Variants in PASK observed in about 807,000 individuals in gnomAD.
The protein encoded by PASK is PAS domain containing serine/threonine kinase, also known as PAS domain-containing serine/threonine-protein kinase.
PASK carries 110 observed loss-of-function variants against 121.0 expected under a neutral mutation model. The ratio of observed to expected loss-of-function variants is 0.91; its 90% CI spans 0.78 to 1.06. PASK has a LOEUF of 1.06. Ranked by LOEUF, PASK falls within the 50% of genes least tolerant of loss-of-function variation. The pLI, the probability that PASK is intolerant of heterozygous loss-of-function variation, is 0.00. For missense variants in PASK, 1,643 were observed against 1,702.3 expected (o/e 0.97, Z 0.61); for synonymous variants, 686 against 717.8 (o/e 0.96, Z 0.71).
In PASK at chr2:241,141,316, G is replaced by A. The variant is rs115395057; in HGVS notation, c.197-563C>T. Among the ~76,000 whole-genome samples, 1,016 of 152,198 alleles carry A rather than the reference G, an allele frequency of 6.7e-3. 10 individuals are homozygous for A. The highest frequency in any genetic ancestry group is 0.023 in the African/African-American group (954 of 41,522). Reference sequence around the variant, plus strand: ...CAAAAAAGCTTAATTACACTCAAAGGTTCCTTCCTTCCCACCTTCTGTCCT... The same window carrying A: ...CAAAAAAGCTTAATTACACTCAAAGATTCCTTCCTTCCCACCTTCTGTCCT... On this transcript the variant is annotated intron_variant, in intron 2 of 17. Transcript: ENST00000234040.
intron 2 of PASK, among the ~76,000 whole-genome samples, chr2:241,141,414 C>T (rs760526559): frequency 2.0e-4 from 30 of 152,304 alleles, no homozygotes; most frequent in Admixed American, 4.6e-4. Flanking sequence ...AGCGTTCCTA[C>T]GATTCAAGAG....
chr2:241,148,465 A>G (rs2125464611), intron 1 of PASK, among the ~76,000 whole-genome samples: 1 of 152,298 alleles, frequency 6.6e-6, no homozygotes, highest in Non-Finnish European at 1.5e-5. Flanking sequence ...GCACCTGCAG[A>G]GCCGGGCCCT....
intron 4 of PASK, chr2:241,139,473 CT>C: frequency 2.1e-6 from 1 of 474,950 alleles, no homozygotes; most frequent in South Asian, 1.6e-5. Context: ...TAGGGAAATG[CT>C]TCCAGGCCAA....
At chr2:241,149,585 G>A (rs2067186035), upstream of PASK, 17 of 1,458,378 alleles carry the variant, frequency 1.2e-5, no homozygotes, top group Non-Finnish European at 1.5e-5. Context: ...AGAAGCCCGC[G>A]CTAAGGGTTG....
At chr2:241,143,201 G>C in intron 1 of PASK, 127 bp from the exon 2 acceptor site, 1 of 670,740 alleles carries the variant, frequency 1.5e-6, no homozygotes, top group Non-Finnish European at 2.7e-6. Flanking sequence ...GCCATCCTGG[G>C]TCAGAACCCG....
intron 1 of PASK, among the ~76,000 whole-genome samples, chr2:241,143,338 C>T (rs771770981): frequency 2.6e-5 from 4 of 152,000 alleles, no homozygotes; most frequent in East Asian, 3.9e-4. Flanking sequence ...GTCAGGAGAT[C>T]GAGGAGATCG....
At chr2:241,120,156 T>C (rs1469557738) in intron 12 of PASK, among the ~76,000 whole-genome samples, 1 of 151,940 alleles carries the variant, frequency 6.6e-6, no homozygotes, top group Non-Finnish European at 1.5e-5. Context: ...AATACAGAAC[T>C]CATACAATTT....
Position 241,133,012 on chromosome 2 carries a change from A to T in PASK, c.1325T>A (p.Val442Glu). The change falls in exon 9 of 18, where the codon GTG (valine) becomes GAG (glutamate). Residue 442 changes from valine to glutamate, a missense_variant. Coordinates refer to ENST00000234040, the MANE Select transcript of PASK (RefSeq NM_015148.4). ...EGGQDPRINVVLAGGHVVPRD... is the reference protein window; with the variant it reads ...EGGQDPRINVELAGGHVVPRD... The stretch of plus-strand genomic sequence containing the variant: ...GGGCACAACGTGGCCACCAGCAAGC[A>T]CGACATTAATCCTTGGATCTGGCAG... 1 of 1,614,162 alleles carries T rather than the reference A, an allele frequency of 6.2e-7. No homozygotes were observed. Among genetic ancestry groups the T allele is most frequent in the Non-Finnish European group, 8.5e-7 (1 of 1,180,018 alleles).
intron 12 of PASK, among the ~76,000 whole-genome samples, chr2:241,116,250 T>G (rs2065364534): frequency 6.6e-6 from 1 of 152,206 alleles, no homozygotes; most frequent in Admixed American, 6.5e-5. Context: ...TTACCTCCCC[T>G]AAGTCCCACG....
At chr2:241,140,166 G>C in intron 3 of PASK, 111 bp from the exon 4 acceptor site, 1 of 862,346 alleles carries the variant, frequency 1.2e-6, no homozygotes, top group East Asian at 2.6e-5. Flanking sequence ...TGACAGACAG[G>C]GTCTCACTCT....
Position 241,112,569 on chromosome 2 carries a change from G to C in PASK, c.3334-130C>G. ...CCGACTCATAATGAACTGGGGACAG[G>C]AAAGATTTTTCAATGCTGAAGATAT... is the stretch of plus-strand genomic sequence containing the variant. On this transcript the variant is annotated intron_variant, in intron 14 of 17. Coordinates refer to ENST00000234040, the MANE Select transcript of PASK (RefSeq NM_015148.4). The surrounding 1 kb of genome is among the most constrained non-coding windows in gnomAD (Gnocchi z 5.2). 1 of 644,886 alleles carries C rather than the reference G, an allele frequency of 1.6e-6. No individual in the cohort carries two copies. Among genetic ancestry groups the C allele is most frequent in the Non-Finnish European group, 2.7e-6 (1 of 376,826 alleles). 39.9% of individuals were successfully genotyped at this position (644,886 alleles called of 1,614,324 possible). A position where few individuals can be genotyped will look rare whatever the true frequency, so the allele number is the denominator to read the frequency against.
Position 241,137,750 on chromosome 2 carries a change from CAG to C in PASK, c.876+201_876+202del, listed in dbSNP as rs150602293. 6.7e-3 allele frequency among the ~76,000 whole-genome samples: 1,014 copies of C among 152,350 alleles called. 9 individuals carry two copies. The highest frequency in any genetic ancestry group is 0.023 in the African/African-American group (949 of 41,572). On this transcript the variant is annotated intron_variant, in intron 6 of 17. Coordinates refer to ENST00000234040, the MANE Select transcript of PASK (RefSeq NM_015148.4). ...GTGGCCCAGCTCCTGGGAGAAGACT[CAG>C]GGGACAAGAGTGGTCAGCTGGGAGA...
chr2:241,107,868 G>C (rs781358355), intron 16 of PASK, among the ~76,000 whole-genome samples: 2 of 152,044 alleles, frequency 1.3e-5, no homozygotes, highest in Non-Finnish European at 2.9e-5. Context: ...ATCTGGATTC[G>C]GGCCCCAGTT....
intron 12 of PASK, among the ~76,000 whole-genome samples, chr2:241,119,152 G>A (rs1024752910): frequency 6.6e-6 from 1 of 152,268 alleles, no homozygotes; most frequent in Non-Finnish European, 1.5e-5. Context: ...TGCCTGAGTG[G>A]GTCAGAAGCG....
rs553635620 is a variant in PASK, at chr2:241,127,136, G to C, written c.1779C>G (p.Ala593=). 8.7e-6 allele frequency: 14 copies of C among 1,613,948 alleles called. No homozygotes were observed. In the East Asian group the frequency reaches 2.7e-4, roughly 31 times the overall value. Residue 593 remains alanine (A), a synonymous_variant, in exon 10 of 18, where the codon GCC becomes GCG. Coordinates refer to ENST00000234040, the MANE Select transcript of PASK (RefSeq NM_015148.4). ...GSDLWAGAAV[A]KPQAKGQLAG... ...CCAGCTGACCCTTGGCCTGGGGCTT[G>C]GCCACGGCAGCCCCAGCCCAAAGGT...
At position 241,140,013 on chromosome 2, in the gene PASK, T is replaced by G. The variant is rs563285359; in HGVS notation, c.472A>C (p.Ser158Arg). Residue 158 changes from serine (S) to arginine (R), a missense_variant, in exon 4 of 18, where the codon AGC (serine) becomes CGC (arginine). By Grantham distance (110) the Ser-to-Arg change is moderately radical. Around this residue, in one of 3 missense-constraint regions of PASK, gnomAD observed 1,176 missense variants for 1,162.2 expected, o/e 1.01. Transcript: ENST00000234040. ...NDKACGLLGY[S>R]SQDLIGQKLT... Reference sequence around the variant, plus strand: ...TTCTGGCCAATCAGGTCCTGGCTGCTGTACCCCAGGAGCCCGCAAGCTTTG... The same window carrying G: ...TTCTGGCCAATCAGGTCCTGGCTGCGGTACCCCAGGAGCCCGCAAGCTTTG... 6 of 1,614,032 alleles carry G rather than the reference T, an allele frequency of 3.7e-6. No homozygotes were observed. Among genetic ancestry groups the G allele is most frequent in the Non-Finnish European group, 5.1e-6 (6 of 1,179,854 alleles).
chr2:241,114,977 T>C (rs763185624), intron 14 of PASK, 66 bp downstream of exon 14: 2 of 1,613,330 alleles, frequency 1.2e-6, no homozygotes, highest in South Asian at 1.1e-5. Flanking sequence ...TCACTGATCT[T>C]TGCAGCCACC....
chr2:241,126,835 C>A lies in PASK; in HGVS notation c.2080G>T (p.Val694Leu), dbSNP rs6727226. The A allele has an allele frequency of 1.9e-6, 3 of 1,612,982 alleles. No homozygotes were observed. The highest frequency in any genetic ancestry group is 2.5e-6 in the Non-Finnish European group (3 of 1,179,236). Residue 694 changes from valine (V) to leucine (L), a missense_variant, in exon 10 of 18, where the codon GTG becomes TTG. Around this residue, in one of 3 missense-constraint regions of PASK, gnomAD observed 1,176 missense variants for 1,162.2 expected, o/e 1.01. Transcript: ENST00000234040. ...PTECQAVTAP[V>L]SSCDLGGRDL... Reference sequence around the variant, plus strand: ...CTGCCTCCCAGATCGCAGGACGACACAGGAGCGGTGACAGCCTGGCACTCT... The same window carrying A: ...CTGCCTCCCAGATCGCAGGACGACAAAGGAGCGGTGACAGCCTGGCACTCT...
chr2:241,130,161 T>C (rs2066059616), intron 9 of PASK, among the ~76,000 whole-genome samples: 2 of 152,216 alleles, frequency 1.3e-5, no homozygotes, highest in African/African-American at 4.8e-5. Context: ...CTACAATTCT[T>C]AGGGACACAC....
Sources: gnomAD v4.1 joint callset for allele counts (sites outside exome capture counted in the v4.1 genomes callset) on GRCh38, gnomAD v4.1.1 for gene constraint, gnomAD v4.1.1 regional missense constraint, Gnocchi (gnomAD v3.1) non-coding constraint, MANE v1.5 for transcripts, NCBI Gene and HGNC (gene_info 2026-07-23, HGNC 2026-07-21) for gene names.